The following BTAF1 variants were observed in gnomAD, a reference collection of about 807,000 sequenced individuals.
BTAF1 encodes the protein B-TFIID TATA-box binding protein associated factor 1, also known as TATA-binding protein-associated factor 172.
In BTAF1, 38 loss-of-function variants were observed where a neutral mutation model predicts 227.1. The ratio of observed to expected loss-of-function variants is 0.17; its 90% CI spans 0.13 to 0.22. The LOEUF (loss-of-function observed/expected upper bound fraction) is 0.22, where lower values mean the gene tolerates loss of function less well. Among genes scored for constraint, BTAF1 ranks in the 10% least tolerant of loss-of-function variants. BTAF1 has a pLI of 1.00. For missense variants in BTAF1, 1,598 were observed against 2,204.0 expected (o/e 0.73, Z 5.51); for synonymous variants, 742 against 751.9 (o/e 0.99, Z 0.21).
intron 13 of BTAF1, among the ~76,000 whole-genome samples, chr10:91,964,452 A>G (rs1165815700): frequency 3.3e-5 from 5 of 152,168 alleles, no homozygotes; most frequent in East Asian, 3.9e-4. Context: ...TTCGTCTTAT[A>G]ATTGTTTACT....
intron 12 of BTAF1, among the ~76,000 whole-genome samples, chr10:91,963,123 T>C (rs1424558241): frequency 6.6e-6 from 1 of 152,078 alleles, no homozygotes; most frequent in East Asian, 1.9e-4. Context: ...ACATTTTCTT[T>C]CTTTTCTTGG....
intron 2 of BTAF1, among the ~76,000 whole-genome samples, chr10:91,936,361 T>C (rs2133795862): frequency 7.3e-6 from 1 of 136,748 alleles, no homozygotes; most frequent in East Asian, 2.1e-4. Context: ...CAGGAGTGCT[T>C]TGTATAGGAG....
chr10:91,980,429 C>T, intron 14 of BTAF1, 25 bp from the exon 15 acceptor site: 2 of 1,523,268 alleles, frequency 1.3e-6, no homozygotes, highest in Non-Finnish European at 1.8e-6. Context: ...TATGCTACAG[C>T]TTTTAATTCT....
In BTAF1 at chr10:91,971,167, A is replaced by G. The variant is rs77415838; in HGVS notation, c.1650+4410A>G. Among the ~76,000 whole-genome samples the G allele has an allele frequency of 3.4e-4, 51 of 151,800 alleles. 1 individual carries two copies. Among genetic ancestry groups the G allele is most frequent in the African/African-American group, 3.1e-4 (13 of 41,366 alleles). On this transcript the variant is annotated intron_variant, in intron 14 of 37. Transcript: ENST00000265990. The stretch of plus-strand genomic sequence containing the variant: ...GATTATGCTTTTAGCTTCTTTTTCT[A>G]TTATTTTTCATAACTTTTCAATGGC...
chr10:91,927,980 CTT>C (rs60105160), intron 1 of BTAF1, among the ~76,000 whole-genome samples: 36,391 of 121,628 alleles, frequency 0.3, 4,341 homozygotes, highest in African/African-American at 0.37. Context: ...TGCCTTTTTT[CTT>C]TTTTTTTTTT....
chr10:91,978,883 G>A (rs916827314), intron 14 of BTAF1, among the ~76,000 whole-genome samples: 3 of 133,328 alleles, frequency 2.3e-5, no homozygotes, highest in Non-Finnish European at 4.7e-5. Context: ...TTGCTATGTA[G>A]GTAAACTTAT....
At chr10:91,962,780 A>AG in intron 12 of BTAF1, 102 bp downstream of exon 12, 2 of 1,154,338 alleles carry the variant, frequency 1.7e-6, no homozygotes, top group Non-Finnish European at 2.4e-6. Flanking sequence ...CTTCATCTTC[A>AG]ATTTTTTTTT....
intron 25 of BTAF1, among the ~76,000 whole-genome samples, chr10:92,007,090 T>G (rs548328756): frequency 6.6e-6 from 1 of 151,824 alleles, no homozygotes; most frequent in South Asian, 2.1e-4. Flanking sequence ...CAGATTGTAC[T>G]TTGATAAGCA....
chr10:92,008,246 A>C lies in BTAF1; in HGVS notation c.3784A>C (p.Ile1262Leu). ...KLENYKIPVP[I>L]NAELRKYQQD... ...GGAAAATTATAAAATTCCAGTACCA[A>C]TCAATGCTGAACTCAGAAAATATCA... Residue 1262 changes from isoleucine (I) to leucine (L), a missense_variant, in exon 26 of 38, where the codon ATC becomes CTC. This residue lies in a region of BTAF1 where 184 missense variants were observed against 341.1 expected (regional missense o/e 0.54). Transcript: ENST00000265990. The C allele has an allele frequency of 6.3e-7, 1 of 1,588,990 alleles. No homozygotes were observed. Among genetic ancestry groups the C allele is most frequent in the Non-Finnish European group, 8.5e-7 (1 of 1,174,310 alleles).
intron 14 of BTAF1, among the ~76,000 whole-genome samples, chr10:91,970,047 A>T (rs1022114043): frequency 1.3e-5 from 2 of 149,454 alleles, no homozygotes; most frequent in Non-Finnish European, 3.0e-5. Flanking sequence ...TTGTGAAAAC[A>T]TCTCTGTGTT....
rs1851837704 is a variant in BTAF1, at chr10:92,030,705, T to TAGTCA, written c.*1772_*1773insAGTCA. On this transcript the variant is annotated 3_prime_UTR_variant, in exon 38 of 38. Transcript: ENST00000265990. ...GAGAGTTTAATCAAAAGGTGTGTAT[T>TAGTCA]TCTAGAAGGATGACTAGAAAAATGA... 1.3e-5 allele frequency among the ~76,000 whole-genome samples: 2 copies of TAGTCA among 152,196 alleles called. No individual in the cohort carries two copies. Among genetic ancestry groups the TAGTCA allele is most frequent in the Admixed American group, 1.3e-4 (2 of 15,272 alleles).
chr10:91,970,891 C>G (rs1235507632), intron 14 of BTAF1, among the ~76,000 whole-genome samples: 1 of 152,116 alleles, frequency 6.6e-6, no homozygotes, highest in Non-Finnish European at 1.5e-5. Flanking sequence ...AACTAGTATT[C>G]CCTCACTTCT....
At chr10:92,015,203 T>C (rs575966094) in intron 32 of BTAF1, among the ~76,000 whole-genome samples, 1 of 152,348 alleles carries the variant, frequency 6.6e-6, no homozygotes, top group South Asian at 2.1e-4. Flanking sequence ...TGTGAGCCTT[T>C]CCTTGTACTT....
chr10:91,947,297 A>G (rs73312381), intron 4 of BTAF1, among the ~76,000 whole-genome samples: 1 of 152,148 alleles, frequency 6.6e-6, no homozygotes, highest in African/African-American at 2.4e-5. Context: ...AAACTTGCCA[A>G]ATTCAAGCTC....
At chr10:91,944,157 T>TA (rs11444924) in intron 4 of BTAF1, among the ~76,000 whole-genome samples, 138,142 of 145,902 alleles carry the variant, frequency 0.95, 65,729 homozygotes, top group East Asian at 1. Context: ...TGTCTCCAAA[T>TA]AAAAAAAAAA....
intron 5 of BTAF1, among the ~76,000 whole-genome samples, chr10:91,953,347 A>G (rs1845890146): frequency 6.6e-6 from 1 of 152,086 alleles, no homozygotes; most frequent in African/African-American, 2.4e-5. Flanking sequence ...TAATTTATTT[A>G]TTTATTTTTT....
In BTAF1 at chr10:91,963,568, C is replaced by A. The variant is rs116362574; in HGVS notation, c.1405-509C>A. Among the ~76,000 whole-genome samples the A allele has an allele frequency of 1.6e-3, 240 of 152,258 alleles. 2 individuals are homozygous for A. Among genetic ancestry groups the A allele is most frequent in the African/African-American group, 4.6e-3 (193 of 41,556 alleles). ...ACTGGTGTGACTCATCACACCCACC[C>A]CTCTAGTCTCATTTTTTGAAATGAC... On this transcript the variant is annotated intron_variant, in intron 12 of 37. Transcript: ENST00000265990.
intron 34 of BTAF1, among the ~76,000 whole-genome samples, chr10:92,021,952 C>T (rs1342281874): frequency 6.6e-6 from 1 of 152,132 alleles, no homozygotes; most frequent in Non-Finnish European, 1.5e-5. Context: ...GTAATTTAGC[C>T]TATGCTGAAG....
rs1845764110 is a variant in BTAF1 at position 91,951,563 on chromosome 10, A to G, written c.561A>G (p.Gln187=). ...CTTCAGCATCCTTTGTTAACAAACA[A>G]CCTGTAGGTAAAACGTTTGGTTATT... ...TPTSASFVNK[Q]PTLQAAELID... The change falls in exon 5 of 38, where the codon CAA becomes CAG. Residue 187 remains glutamine (Q), a synonymous_variant. Transcript: ENST00000265990. The G allele has an allele frequency of 5.0e-6, 8 of 1,586,316 alleles. No individual in the cohort carries two copies. Among genetic ancestry groups the G allele is most frequent in the South Asian group, 1.2e-5 (1 of 84,660 alleles).
Sources: gnomAD v4.1 joint callset for allele counts (sites outside exome capture counted in the v4.1 genomes callset) on GRCh38, gnomAD v4.1.1 for gene constraint, gnomAD v4.1.1 regional missense constraint, MANE v1.5 for transcripts, NCBI Gene and HGNC (gene_info 2026-07-23, HGNC 2026-07-21) for gene names.